The following BCAM variants were observed in gnomAD, a reference collection of about 807,000 sequenced individuals.
The protein encoded by BCAM is basal cell adhesion molecule (Lutheran blood group).
Under a neutral mutation model 72.4 loss-of-function variants are expected in BCAM, and 61 were observed. The ratio of observed to expected loss-of-function variants is 0.84; its 90% CI spans 0.69 to 1.04. BCAM has a LOEUF of 1.04. BCAM is among the 50% of genes least tolerant of loss of function. The pLI, the probability that BCAM is intolerant of heterozygous loss-of-function variation, is 0.00. For synonymous variants in BCAM, 408 were observed against 384.2 expected (o/e 1.06, Z -0.73); for missense variants, 909 against 895.0 (o/e 1.02, Z -0.20).
Position 44,814,066 on chromosome 19 carries a change from C to CTGGG in BCAM, c.785-85_785-82dup. 6.9e-7 allele frequency: 1 copy of CTGGG among 1,457,952 alleles called. No individual in the cohort carries two copies. The highest frequency in any genetic ancestry group is 1.4e-5 in the South Asian group (1 of 71,498). The allele number at this position is 1,457,952 out of a possible 1,614,324, so 90.3% of individuals were successfully genotyped here. On this transcript the variant is annotated intron_variant, in intron 6 of 14. Coordinates refer to ENST00000270233, the MANE Select transcript of BCAM (RefSeq NM_005581.5). This position sits in a 1 kb window ranked among gnomAD's most constrained non-coding sequence, Gnocchi z 4.6. ...ACCTTTGACCCGCCATAGCCCTCACCTGGGATGCAGGGCTGACCTCTCGCC... is the reference window on the plus strand; with the variant it reads ...ACCTTTGACCCGCCATAGCCCTCACCTGGGTGGGATGCAGGGCTGACCTCTCGCC...
chr19:44,809,858 G>C (rs1246731947), intron 1 of BCAM, among the ~76,000 whole-genome samples: 3 of 144,794 alleles, frequency 2.1e-5, no homozygotes, highest in Non-Finnish European at 3.2e-5. Context: ...AGGAGAGGAG[G>C]CCGGGGGCTG....
chr19:44,821,268 C>A lies in BCAM; in HGVS notation c.*347C>A. ...TTACCTCCCGCCTCCCCTGCTGGTC[C>A]CCCCACCTGACGTCTTGCTGCAGAG... On this transcript the variant is annotated 3_prime_UTR_variant, in exon 15 of 15. Coordinates refer to ENST00000270233, the MANE Select transcript of BCAM (RefSeq NM_005581.5). The A allele has an allele frequency of 3.5e-6, 1 of 287,576 alleles. No homozygotes were observed. Among genetic ancestry groups the A allele is most frequent in the Non-Finnish European group, 6.5e-6 (1 of 154,014 alleles). The allele number at this position is 287,576 out of a possible 1,614,324, so 17.8% of individuals were successfully genotyped here.
chr19:44,819,557 G>A (rs372658719), intron 12 of BCAM, 25 bp from the exon 13 acceptor site: 88 of 1,611,992 alleles, frequency 5.5e-5, no homozygotes, highest in East Asian at 6.7e-5. Flanking sequence ...CCTGACCCAC[G>A]CCTCTCTCCA....
rs1207051227 is a variant in BCAM at position 44,812,949 on chromosome 19, C to CAA, written c.505-285_505-284dup. 1,112 of 194,976 alleles carry CAA rather than the reference C, an allele frequency of 5.7e-3. No individual in the cohort carries two copies. The highest frequency in any genetic ancestry group is 0.01 in the South Asian group (162 of 15,842). The allele number at this position is 194,976 out of a possible 1,614,324, so 12.1% of individuals were successfully genotyped here. ...TGGGCCACAGAGCAATACTCCGTCT[C>CAA]AAAAAAAAAAAAAAAAAGAAGAAGA... On this transcript the variant is annotated intron_variant, in intron 4 of 14. Transcript: ENST00000270233. The surrounding 1 kb of genome is among the most constrained non-coding windows in gnomAD (Gnocchi z 5.3).
rs779640046 is a variant in BCAM at position 44,819,466 on chromosome 19, C to T, written c.1594C>T (p.Arg532Cys). The change falls in exon 12 of 15, where the codon CGC (arginine) becomes TGC (cysteine). Residue 532 changes from arginine (R) to cysteine (C), a missense_variant. Transcript: ENST00000270233. The stretch of plus-strand genomic sequence containing the variant: ...AGCCTCCAACCCCCACGGGAACAAG[C>T]GCCATGTCTTCCACTTCGGCACCGG... ...CEASNPHGNK[R>C]HVFHFGTVSP... The T allele has an allele frequency of 5.0e-6, 8 of 1,614,020 alleles. No individual in the cohort carries two copies. Among genetic ancestry groups the T allele is most frequent in the South Asian group, 4.4e-5 (4 of 91,090 alleles).
Position 44,813,635 on chromosome 19 carries a change from G to A in BCAM, c.784+15G>A, listed in dbSNP as rs1224283500. Reference sequence around the variant, plus strand: ...CACCCTGCACTGTGAGTCTGTGCTGGCCTTTGACCTCTGACCTCAGGCTCC... The same window carrying A: ...CACCCTGCACTGTGAGTCTGTGCTGACCTTTGACCTCTGACCTCAGGCTCC... On this transcript the variant is annotated intron_variant, in intron 6 of 14. Transcript: ENST00000270233. The surrounding 1 kb of genome is among the most constrained non-coding windows in gnomAD (Gnocchi z 4.2). 1.2e-6 allele frequency: 2 copies of A among 1,606,714 alleles called. No homozygotes were observed. Among genetic ancestry groups the A allele is most frequent in the African/African-American group, 2.7e-5 (2 of 74,860 alleles).
In BCAM at chr19:44,821,022, T is replaced by G; in HGVS notation, c.*101T>G. Reference sequence around the variant, plus strand: ...CCGCCCCCGCCTTCCCTCTTCCCTCTTCCCTCTCCCTGCCCAGCCCTCCCT... The same window carrying G: ...CCGCCCCCGCCTTCCCTCTTCCCTCGTCCCTCTCCCTGCCCAGCCCTCCCT... On this transcript the variant is annotated 3_prime_UTR_variant, in exon 15 of 15. Coordinates refer to ENST00000270233, the MANE Select transcript of BCAM (RefSeq NM_005581.5). 1 of 1,363,790 alleles carries G rather than the reference T, an allele frequency of 7.3e-7. No homozygotes were observed. Among genetic ancestry groups the G allele is most frequent in the East Asian group, 3.0e-5 (1 of 33,494 alleles). 84.5% of individuals were successfully genotyped at this position (1,363,790 alleles called of 1,614,324 possible). A position where few individuals can be genotyped will look rare whatever the true frequency, so the allele number is the denominator to read the frequency against.
Position 44,818,534 on chromosome 19 carries a change from T to C in BCAM, c.1091T>C (p.Leu364Pro), listed in dbSNP as rs138787345. ...LELRVAYLDP[L>P]ELSEGKVLSL... is the part of the protein sequence containing the mutation. ...TCCCCCACTGCAGATCTGGACCCCCTGGAGCTCAGCGAGGGGAAGGTGCTT... is the reference window on the plus strand; with the variant it reads ...TCCCCCACTGCAGATCTGGACCCCCCGGAGCTCAGCGAGGGGAAGGTGCTT... Residue 364 changes from leucine (L) to proline (P), a missense_variant, in exon 9 of 15, where the codon CTG becomes CCG. Physicochemically the swap from Leu to Pro is moderately conservative, Grantham distance 98. Transcript: ENST00000270233. The surrounding 1 kb of genome is among the most constrained non-coding windows in gnomAD (Gnocchi z 4.6). 39 of 1,613,796 alleles carry C rather than the reference T, an allele frequency of 2.4e-5. No individual in the cohort carries two copies. Among genetic ancestry groups the C allele is most frequent in the Non-Finnish European group, 3.0e-5 (35 of 1,179,936 alleles).
Position 44,813,562 on chromosome 19 carries a change from C to T in BCAM, c.726C>T (p.Ser242=). 8 of 1,612,688 alleles carry T rather than the reference C, an allele frequency of 5.0e-6. No individual in the cohort carries two copies. The highest frequency in any genetic ancestry group is 6.8e-6 in the Non-Finnish European group (8 of 1,179,942). Residue 242 remains serine (S), a synonymous_variant, in exon 6 of 15, where the codon AGC becomes AGT. Coordinates refer to ENST00000270233, the MANE Select transcript of BCAM (RefSeq NM_005581.5). The surrounding 1 kb of genome is among the most constrained non-coding windows in gnomAD (Gnocchi z 4.2). ...GCTTCCACTGCGCCGCCCACTACAG[C>T]CTGCCCGAGGGCCGCCACGGCCGCC... ...DASFHCAAHY[S]LPEGRHGRLD... is the part of the protein sequence containing the mutation.
rs571919910 is a variant in BCAM at position 44,814,381 on chromosome 19, A to G, written c.921+93A>G. 9 of 1,499,982 alleles carry G rather than the reference A, an allele frequency of 6.0e-6. No individual in the cohort carries two copies. In the African/African-American group the frequency reaches 1.3e-4, roughly 21 times the overall value. The allele number at this position is 1,499,982 out of a possible 1,614,324, so 92.9% of individuals were successfully genotyped here. A position where few individuals can be genotyped will look rare whatever the true frequency, so the allele number is the denominator to read the frequency against. Reference sequence around the variant, plus strand: ...CATAACTTCTAATGTGGGACCTGGGAGTCCCCATGGCTTAGGCAGCCACCT... The same window carrying G: ...CATAACTTCTAATGTGGGACCTGGGGGTCCCCATGGCTTAGGCAGCCACCT... On this transcript the variant is annotated intron_variant, in intron 7 of 14. Coordinates refer to ENST00000270233, the MANE Select transcript of BCAM (RefSeq NM_005581.5). This position sits in a 1 kb window ranked among gnomAD's most constrained non-coding sequence, Gnocchi z 4.6.
Position 44,809,220 on chromosome 19 carries a change from T to C in BCAM, c.82+14T>C. 1.4e-6 allele frequency: 2 copies of C among 1,450,784 alleles called. No homozygotes were observed. Among genetic ancestry groups the C allele is most frequent in the Non-Finnish European group, 1.8e-6 (2 of 1,101,498 alleles). The allele number at this position is 1,450,784 out of a possible 1,614,324, so 89.9% of individuals were successfully genotyped here. Reference sequence around the variant, plus strand: ...CGGCGCACCCAGGTATGGCTCGGGCTGAGGGCAAGGTGGGACTGGGGAGAG... The same window carrying C: ...CGGCGCACCCAGGTATGGCTCGGGCCGAGGGCAAGGTGGGACTGGGGAGAG... On this transcript the variant is annotated intron_variant, in intron 1 of 14. Coordinates refer to ENST00000270233, the MANE Select transcript of BCAM (RefSeq NM_005581.5).
chr19:44,814,754 G>A lies in BCAM; in HGVS notation c.1072G>A (p.Val358Met), dbSNP rs903092506. Residue 358 changes from valine (V) to methionine (M), a missense_variant, in exon 8 of 15, where the codon GTG (valine) becomes ATG (methionine). By Grantham distance (21) the Val-to-Met change is conservative (BLOSUM62 1). Transcript: ENST00000270233. The surrounding 1 kb of genome is among the most constrained non-coding windows in gnomAD (Gnocchi z 4.6). ...GCTCTCCAAGACGCTGGAGCTGCGC[G>A]TGGCCTGTGAGAGCCCTGGGTGAAC... ...VQLSKTLELR[V>M]AYLDPLELSE... is the part of the protein sequence containing the mutation. 5.8e-5 allele frequency: 93 copies of A among 1,610,538 alleles called. No individual in the cohort carries two copies. Among genetic ancestry groups the A allele is most frequent in the Non-Finnish European group, 7.1e-5 (84 of 1,178,712 alleles).
chr19:44,811,879 A>C, intron 2 of BCAM: 1 of 506,560 alleles, frequency 2.0e-6, no homozygotes, highest in South Asian at 2.5e-5. Context: ...GCAAGACTCT[A>C]TCTCAAAAAA....
chr19:44,820,735 G>A lies in BCAM; in HGVS notation c.1794G>A (p.Ser598=), dbSNP rs778689339. The change falls in exon 14 of 15, where the codon TCG becomes TCA. Residue 598 remains serine (S), a synonymous_variant. Coordinates refer to ENST00000270233, the MANE Select transcript of BCAM (RefSeq NM_005581.5). ...PPPGEPGLSH[S]GSEQPEQTGL... ...CAGGGGAGCCAGGGCTGAGCCACTC[G>A]GGGTCGGAGCAACCAGAGCAGACCG... is the stretch of plus-strand genomic sequence containing the variant. 28 of 1,446,046 alleles carry A rather than the reference G, an allele frequency of 1.9e-5. No homozygotes were observed. The East Asian group carries it at 4.3e-4, about 22-fold the overall frequency. The allele number at this position is 1,446,046 out of a possible 1,614,324, so 89.6% of individuals were successfully genotyped here. A position where few individuals can be genotyped will look rare whatever the true frequency, so the allele number is the denominator to read the frequency against.
In BCAM at chr19:44,818,863, C is replaced by T; in HGVS notation, c.1317C>T (p.Asn439=). ...PTVPVLSRTQ[N]FTLLVQGSPE... Reference sequence around the variant, plus strand: ...TCCCGGTCCTCAGCCGCACCCAGAACTTCACGCTGCTGGTCCAAGGTTCAG... The same window carrying T: ...TCCCGGTCCTCAGCCGCACCCAGAATTTCACGCTGCTGGTCCAAGGTTCAG... Residue 439 remains asparagine (N), a synonymous_variant, in exon 10 of 15, where the codon AAC becomes AAT. Transcript: ENST00000270233. This position sits in a 1 kb window ranked among gnomAD's most constrained non-coding sequence, Gnocchi z 4.6. The T allele has an allele frequency of 6.2e-7, 1 of 1,614,096 alleles. No individual in the cohort carries two copies. Among genetic ancestry groups the T allele is most frequent in the Non-Finnish European group, 8.5e-7 (1 of 1,179,982 alleles).
chr19:44,821,124 G>T lies in BCAM; in HGVS notation c.*203G>T. On this transcript the variant is annotated 3_prime_UTR_variant, in exon 15 of 15. Transcript: ENST00000270233. ...AGGGAAGGAGAGGGAGGGTGGGTGGGTGGGAGGGGGCCTTCCTCCAGGGAA... is the reference window on the plus strand; with the variant it reads ...AGGGAAGGAGAGGGAGGGTGGGTGGTTGGGAGGGGGCCTTCCTCCAGGGAA... 7.3e-6 allele frequency: 4 copies of T among 549,686 alleles called. No homozygotes were observed. The highest frequency in any genetic ancestry group is 4.2e-5 in the Admixed American group (1 of 23,580). The allele number at this position is 549,686 out of a possible 1,614,324, so 34.1% of individuals were successfully genotyped here.
Position 44,818,455 on chromosome 19 carries a change from C to T in BCAM, c.1079-67C>T. ...CCATTCATGTTTGCACCCCCGACCG[C>T]CCCTGGAGAGCCCCTAATTGAGTGG... On this transcript the variant is annotated intron_variant, in intron 8 of 14. Coordinates refer to ENST00000270233, the MANE Select transcript of BCAM (RefSeq NM_005581.5). This position sits in a 1 kb window ranked among gnomAD's most constrained non-coding sequence, Gnocchi z 4.6. The T allele has an allele frequency of 1.5e-6, 2 of 1,355,632 alleles. No individual in the cohort carries two copies. The highest frequency in any genetic ancestry group is 1.0e-6 in the Non-Finnish European group (1 of 958,054). The allele number at this position is 1,355,632 out of a possible 1,614,324, so 84.0% of individuals were successfully genotyped here.
Position 44,814,435 on chromosome 19 carries a change from C to T in BCAM, c.921+147C>T, listed in dbSNP as rs978720984. On this transcript the variant is annotated intron_variant, in intron 7 of 14. Coordinates refer to ENST00000270233, the MANE Select transcript of BCAM (RefSeq NM_005581.5). This position sits in a 1 kb window ranked among gnomAD's most constrained non-coding sequence, Gnocchi z 4.6. ...CTGGTGGCCCACGAACTAAAAGGAC[C>T]TCTGACCCCTGATTTGAGAGAGTCA... The T allele has an allele frequency of 1.4e-6, 2 of 1,412,272 alleles. No individual in the cohort carries two copies. The highest frequency in any genetic ancestry group is 1.4e-5 in the African/African-American group (1 of 69,266). The allele number at this position is 1,412,272 out of a possible 1,614,324, so 87.5% of individuals were successfully genotyped here.
At position 44,820,915 on chromosome 19, in the gene BCAM, G is replaced by T; in HGVS notation, c.1882-1G>T. 2.6e-6 allele frequency: 4 copies of T among 1,562,830 alleles called. No individual in the cohort carries two copies. Among genetic ancestry groups the T allele is most frequent in the Non-Finnish European group, 3.5e-6 (4 of 1,154,472 alleles). On this transcript the variant is annotated splice_acceptor_variant, in intron 14 of 14. Coordinates refer to ENST00000270233, the MANE Select transcript of BCAM (RefSeq NM_005581.5). LOFTEE classifies it high-confidence loss of function. ...GGCTGACCTCTCCATCCGCTCCCCA[G>T]TGCTGAGCCAAGAACCTCCTAGAGG...
Sources: gnomAD v4.1 joint callset for allele counts (sites outside exome capture counted in the v4.1 genomes callset) on GRCh38, gnomAD v4.1.1 for gene constraint, Gnocchi (gnomAD v3.1) non-coding constraint, MANE v1.5 for transcripts, NCBI Gene and HGNC (gene_info 2026-07-23, HGNC 2026-07-21) for gene names.